NFIB: variants seen among roughly 807,000 people sequenced by gnomAD.
NFIB encodes the protein nuclear factor 1 B-type.
NFIB carries 11 observed loss-of-function variants against 61.5 expected under a neutral mutation model. The ratio of observed to expected loss-of-function variants is 0.18; its 90% CI spans 0.11 to 0.30. NFIB has a LOEUF of 0.30. Ranked by LOEUF, NFIB falls within the 10% of genes least tolerant of loss-of-function variation. NFIB has a pLI of 1.00. For missense variants in NFIB, 471 were observed against 608.9 expected (o/e 0.77, Z 2.38); for synonymous variants, 260 against 216.5 (o/e 1.20, Z -1.76).
intron 2 of NFIB, among the ~76,000 whole-genome samples, chr9:14,260,593 T>C (rs1156299023): frequency 2.6e-5 from 4 of 152,168 alleles, no homozygotes; most frequent in Admixed American, 1.3e-4. Flanking sequence ...AAGACAGCCA[T>C]TTAGGAAAGT....
chr9:14,521,187 A>G, the NFIB span, among the ~76,000 whole-genome samples: 5 of 152,212 alleles, frequency 3.3e-5, no homozygotes, highest in Non-Finnish European at 7.3e-5. Flanking sequence ...AAGGAGATTG[A>G]ATAAAATTAT....
the NFIB span, among the ~76,000 whole-genome samples, chr9:14,425,846 T>G: frequency 6.6e-6 from 1 of 152,096 alleles, no homozygotes; most frequent in Non-Finnish European, 1.5e-5. Context: ...AAATGATAGT[T>G]GAATGAATGA....
the NFIB span, among the ~76,000 whole-genome samples, chr9:14,449,883 C>T: frequency 3.3e-5 from 5 of 151,818 alleles, no homozygotes; most frequent in Non-Finnish European, 5.9e-5. Context: ...GCAAGTGAGC[C>T]GAGATCACGC....
At chr9:14,193,524 A>G (rs1563886172) in intron 2 of NFIB, among the ~76,000 whole-genome samples, 2 of 152,132 alleles carry the variant, frequency 1.3e-5, no homozygotes, top group East Asian at 1.9e-4. Context: ...CTTCAACATT[A>G]CTCTGTTTCC....
At chr9:14,523,140 A>C in the NFIB span, among the ~76,000 whole-genome samples, 1 of 151,948 alleles carries the variant, frequency 6.6e-6, no homozygotes, top group African/African-American at 2.4e-5. Context: ...TTACTTCATG[A>C]GAGCCCTGAG....
At chr9:14,470,122 G>A in the NFIB span, among the ~76,000 whole-genome samples, 3,905 of 152,256 alleles carry the variant, frequency 0.026, 145 homozygotes, top group African/African-American at 0.088. Flanking sequence ...AGATCACATT[G>A]ATATTCACCC....
the NFIB span, among the ~76,000 whole-genome samples, chr9:14,436,316 C>T: frequency 9.9e-3 from 1,513 of 152,342 alleles, 19 homozygotes; most frequent in African/African-American, 0.033. Context: ...TCAGGACTTC[C>T]AGCCATGCCA....
intron 2 of NFIB, among the ~76,000 whole-genome samples, chr9:14,278,153 A>G (rs1030861786): frequency 1.3e-5 from 2 of 152,220 alleles, no homozygotes; most frequent in African/African-American, 4.8e-5. Flanking sequence ...GAATCAATGC[A>G]GTAATCATTA....
chr9:14,318,122 TTCTC>T (rs959932245), upstream of NFIB, among the ~76,000 whole-genome samples: 4 of 152,174 alleles, frequency 2.6e-5, no homozygotes, highest in Non-Finnish European at 5.9e-5. Context: ...AAGTGAATGA[TTCTC>T]TCAGCAACAG....
chr9:14,237,885 G>T (rs888871314), intron 2 of NFIB, among the ~76,000 whole-genome samples: 2 of 145,762 alleles, frequency 1.4e-5, no homozygotes, highest in Non-Finnish European at 3.0e-5. Flanking sequence ...GTGTGTGTGT[G>T]TGTGTATTCT....
intron 2 of NFIB, among the ~76,000 whole-genome samples, chr9:14,295,312 C>T (rs1305294633): frequency 6.6e-6 from 1 of 152,104 alleles, no homozygotes; most frequent in African/African-American, 2.4e-5. Flanking sequence ...GTCTGAAAAC[C>T]AGCAGCATGC....
chr9:14,284,571 A>C (rs2058587790), intron 2 of NFIB, among the ~76,000 whole-genome samples: 1 of 152,240 alleles, frequency 6.6e-6, no homozygotes, highest in South Asian at 2.1e-4. Context: ...GACTCTGTTT[A>C]GAAAGATGCA....
At chr9:14,345,252 C>T (rs1487815928) in intron 1 of NFIB, among the ~76,000 whole-genome samples, 1 of 152,204 alleles carries the variant, frequency 6.6e-6, no homozygotes, top group Non-Finnish European at 1.5e-5. Context: ...AGACTCCTAG[C>T]TTCCTCCTGT....
At chr9:14,223,511 T>C (rs887522679) in intron 2 of NFIB, among the ~76,000 whole-genome samples, 1 of 152,230 alleles carries the variant, frequency 6.6e-6, no homozygotes, top group Non-Finnish European at 1.5e-5. Flanking sequence ...TTAGGGCATT[T>C]GTCTATAAAA....
At chr9:14,182,301 C>CA (rs2046869805) in intron 2 of NFIB, among the ~76,000 whole-genome samples, 1 of 152,290 alleles carries the variant, frequency 6.6e-6, no homozygotes, top group Admixed American at 6.5e-5. Context: ...CACACAATGA[C>CA]AGACTCCTTC....
chr9:14,414,186 C>A, the NFIB span, among the ~76,000 whole-genome samples: 549 of 152,080 alleles, frequency 3.6e-3, 3 homozygotes, highest in African/African-American at 0.013. Flanking sequence ...GTCTGTAATC[C>A]TAGCACTTTG....
intron 3 of NFIB, among the ~76,000 whole-genome samples, chr9:14,163,253 G>A (rs762474739): frequency 4.0e-5 from 6 of 151,862 alleles, no homozygotes; most frequent in South Asian, 2.1e-4. Flanking sequence ...AAAATAGGAT[G>A]TAAAAATATA....
chr9:14,105,633 A>T (rs916205070), intron 10 of NFIB, among the ~76,000 whole-genome samples: 2 of 152,140 alleles, frequency 1.3e-5, no homozygotes, highest in African/African-American at 4.8e-5. Context: ...GATGCAATTA[A>T]ATCATTAAAA....
intron 4 of NFIB, among the ~76,000 whole-genome samples, chr9:14,155,417 G>A (rs1172334353): frequency 6.6e-6 from 1 of 152,078 alleles, no homozygotes; most frequent in African/African-American, 2.4e-5. Flanking sequence ...TGTATATCCT[G>A]TGCATCTCCA....
Sources: gnomAD v4.1 joint callset for allele counts (sites outside exome capture counted in the v4.1 genomes callset) on GRCh38, gnomAD v4.1.1 for gene constraint, MANE v1.5 for transcripts, NCBI Gene and HGNC (gene_info 2026-07-23, HGNC 2026-07-21) for gene names.